The following PLA2G10 variants were observed in gnomAD, a reference collection of about 807,000 sequenced individuals.
PLA2G10 encodes group 10 secretory phospholipase A2.
PLA2G10 carries 9 observed loss-of-function variants against 7.9 expected under a neutral mutation model. That is an observed-to-expected ratio of 1.14 (90% CI 0.68 to 1.98). The LOEUF (loss-of-function observed/expected upper bound fraction) is 1.98, where lower values mean the gene tolerates loss of function less well. PLA2G10 is among the 30% of genes most tolerant of loss of function. PLA2G10 has a pLI of 0.00. For synonymous variants in PLA2G10, 19 were observed against 27.5 expected (o/e 0.69, Z 0.97); for missense variants, 53 against 65.4 (o/e 0.81, Z 0.66).
chr16:14,687,773 G>A (rs1311731767), intron 3 of PLA2G10, among the ~76,000 whole-genome samples: 1 of 151,816 alleles, frequency 6.6e-6, no homozygotes, highest in Admixed American at 6.6e-5. Context: ...GAGGCGGGCA[G>A]AGCACTTGAG....
intron 3 of PLA2G10, among the ~76,000 whole-genome samples, chr16:14,685,591 T>C (rs1169048621): frequency 6.6e-6 from 1 of 152,110 alleles, no homozygotes; most frequent in Non-Finnish European, 1.5e-5. Flanking sequence ...GGCAGAGTGA[T>C]GAAAAAGTTT....
chr16:14,676,455 C>T (rs997771390), intron 3 of PLA2G10, among the ~76,000 whole-genome samples: 4 of 152,108 alleles, frequency 2.6e-5, no homozygotes, highest in African/African-American at 9.7e-5. Context: ...CCGAGGTGGG[C>T]GGATCACGAG....
intron 3 of PLA2G10, among the ~76,000 whole-genome samples, chr16:14,678,279 C>G (rs1960781643): frequency 6.6e-6 from 1 of 152,138 alleles, no homozygotes; most frequent in African/African-American, 2.4e-5. Flanking sequence ...ACACCCTCAC[C>G]CATCCACTGG....
chr16:14,679,721 C>T (rs1038956380), intron 3 of PLA2G10, among the ~76,000 whole-genome samples: 2 of 151,462 alleles, frequency 1.3e-5, no homozygotes, highest in African/African-American at 2.4e-5. Context: ...CATGGTGGCA[C>T]GTGCCTGTAG....
intron 3 of PLA2G10, among the ~76,000 whole-genome samples, chr16:14,679,446 G>A (rs1341123246): frequency 6.6e-6 from 1 of 152,020 alleles, no homozygotes; most frequent in East Asian, 1.9e-4. Context: ...CAGTTCACAA[G>A]GTCAGGAGTT....
At chr16:14,681,939 C>T (rs1960904041) in intron 3 of PLA2G10, among the ~76,000 whole-genome samples, 1 of 151,908 alleles carries the variant, frequency 6.6e-6, no homozygotes, top group East Asian at 1.9e-4. Context: ...TCATCACCCA[C>T]ACCAGAAGGG....
intron 3 of PLA2G10, chr16:14,678,908 A>C (rs1206148100): frequency 1.2e-5 from 3 of 243,554 alleles, no homozygotes; most frequent in African/African-American, 7.0e-5. Context: ...TACTTCTGTC[A>C]CTCTGGGGGA....
At chr16:14,683,235 TG>T (rs1345697413) in intron 3 of PLA2G10, among the ~76,000 whole-genome samples, 3 of 150,790 alleles carry the variant, frequency 2.0e-5, no homozygotes, top group African/African-American at 7.3e-5. Flanking sequence ...TTTCTTTTTT[TG>T]TTTTTTTTTT....
At chr16:14,673,157 C>T (rs919339750) in intron 3 of PLA2G10, among the ~76,000 whole-genome samples, 9 of 150,660 alleles carry the variant, frequency 6.0e-5, no homozygotes, top group African/African-American at 2.2e-4. Flanking sequence ...GTAGCTGGGA[C>T]TAAAGGCACA....
intron 3 of PLA2G10, among the ~76,000 whole-genome samples, chr16:14,684,511 C>A (rs1960994442): frequency 6.6e-6 from 1 of 151,470 alleles, no homozygotes; most frequent in African/African-American, 2.4e-5. Context: ...ACTAAAAATA[C>A]AAAAATTAGC....
chr16:14,678,549 A>C (rs1960790141), intron 3 of PLA2G10: 1 of 231,798 alleles, frequency 4.3e-6, no homozygotes. Flanking sequence ...TAGGTGGGTC[A>C]CCCGAGGTCA....
chr16:14,687,089 C>T (rs1961096560), intron 3 of PLA2G10, among the ~76,000 whole-genome samples: 2 of 150,022 alleles, frequency 1.3e-5, no homozygotes, highest in Non-Finnish European at 3.0e-5. Context: ...GCCTGGGCAA[C>T]AGGAGTAAAA....
intron 3 of PLA2G10, among the ~76,000 whole-genome samples, chr16:14,683,699 G>A (rs960383019): frequency 1.3e-5 from 2 of 152,090 alleles, no homozygotes; most frequent in African/African-American, 4.8e-5. Context: ...CTAAATATTA[G>A]AGTTAAATAT....
At chr16:14,684,402 C>T (rs939901977) in intron 3 of PLA2G10, among the ~76,000 whole-genome samples, 3 of 148,842 alleles carry the variant, frequency 2.0e-5, no homozygotes, top group African/African-American at 7.4e-5. Flanking sequence ...CACAGTGGCT[C>T]ATGCCTGTAA....
intron 3 of PLA2G10, among the ~76,000 whole-genome samples, chr16:14,684,235 C>T (rs1960982708): frequency 6.7e-6 from 1 of 149,298 alleles, no homozygotes. Context: ...GTGGTGCATG[C>T]CTGAGACAGG....
intron 3 of PLA2G10, among the ~76,000 whole-genome samples, chr16:14,686,819 A>G (rs964603687): frequency 1.3e-5 from 2 of 152,144 alleles, no homozygotes; most frequent in South Asian, 2.1e-4. Flanking sequence ...AAAAATAAAT[A>G]CCACGGCCAG....
intron 3 of PLA2G10, among the ~76,000 whole-genome samples, chr16:14,684,218 G>A (rs889520719): frequency 1.4e-4 from 21 of 151,558 alleles, no homozygotes; most frequent in Admixed American, 5.9e-4. Context: ...AAAATTAGCC[G>A]GGCGTGGTGG....
At chr16:14,679,389 G>C (rs904305246) in intron 3 of PLA2G10, among the ~76,000 whole-genome samples, 1 of 151,950 alleles carries the variant, frequency 6.6e-6, no homozygotes, top group Admixed American at 6.6e-5. Flanking sequence ...CAGGCCGGGC[G>C]TGGTGCTCGT....
At chr16:14,681,863 A>C (rs1452056877) in intron 3 of PLA2G10, among the ~76,000 whole-genome samples, 1 of 151,678 alleles carries the variant, frequency 6.6e-6, no homozygotes, top group Admixed American at 6.6e-5. Flanking sequence ...CAAGCAGAAT[A>C]GGCAAGTTGA....
Sources: gnomAD v4.1 joint callset for allele counts (sites outside exome capture counted in the v4.1 genomes callset) on GRCh38, gnomAD v4.1.1 for gene constraint, MANE v1.5 for transcripts, NCBI Gene and HGNC (gene_info 2026-07-23, HGNC 2026-07-21) for gene names.